The following QSOX2 variants were observed in gnomAD, a reference collection of about 807,000 sequenced individuals.
QSOX2 encodes the protein quiescin sulfhydryl oxidase 2.
QSOX2 carries 46 observed loss-of-function variants against 61.7 expected under a neutral mutation model. The observed-to-expected ratio is 0.75, with a 90% confidence interval of 0.59 to 0.95. QSOX2 has a LOEUF of 0.95. Ranked by LOEUF, QSOX2 falls within the 40% of genes least tolerant of loss-of-function variation. The pLI is 0.00. For missense variants in QSOX2, 879 were observed against 918.9 expected (o/e 0.96, Z 0.56); for synonymous variants, 383 against 388.4 (o/e 0.99, Z 0.16).
chr9:136,234,406 G>A (rs188847777), intron 1 of QSOX2, among the ~76,000 whole-genome samples: 58 of 152,316 alleles, frequency 3.8e-4, no homozygotes, highest in Admixed American at 2.0e-3. Context: ...AACTGCACAC[G>A]TAACGGGAGT....
intron 1 of QSOX2, among the ~76,000 whole-genome samples, chr9:136,239,645 G>A (rs1830418741): frequency 6.6e-6 from 1 of 152,244 alleles, no homozygotes; most frequent in African/African-American, 2.4e-5. Flanking sequence ...CAGTCCGCAG[G>A]GGCAGCACCT....
intron 8 of QSOX2, among the ~76,000 whole-genome samples, chr9:136,217,690 G>C (rs988039140): frequency 3.3e-5 from 5 of 152,348 alleles, no homozygotes; most frequent in Admixed American, 2.6e-4. Flanking sequence ...CGGGAGAGGA[G>C]AGCAGGTCTG....
At chr9:136,242,923 T>C (rs1036943641) in intron 1 of QSOX2, among the ~76,000 whole-genome samples, 1 of 152,172 alleles carries the variant, frequency 6.6e-6, no homozygotes, top group African/African-American at 2.4e-5. Flanking sequence ...ACTGACTGAA[T>C]TGAACCCCCT....
In QSOX2 at chr9:136,208,532, C is replaced by T. The variant is rs1264197184; in HGVS notation, c.*196G>A. ...TACGCCAGGAATGCAAATATCCCCA[C>T]AAAATTACCCCGTGTTCTTCCCTTG... On this transcript the variant is annotated 3_prime_UTR_variant, in exon 12 of 12. Transcript: ENST00000358701. 1.6e-5 allele frequency: 10 copies of T among 613,812 alleles called. No individual in the cohort carries two copies. Among genetic ancestry groups the T allele is most frequent in the African/African-American group, 1.5e-4 (8 of 54,092 alleles). 38.0% of individuals were successfully genotyped at this position (613,812 alleles called of 1,614,324 possible). A position where few individuals can be genotyped will look rare whatever the true frequency, so the allele number is the denominator to read the frequency against.
chr9:136,212,577 C>A (rs545625566), intron 10 of QSOX2, among the ~76,000 whole-genome samples: 1 of 152,242 alleles, frequency 6.6e-6, no homozygotes, highest in African/African-American at 2.4e-5. Context: ...AGCGTGTCCA[C>A]GGGCAGCTGG....
chr9:136,220,588 C>T (rs1442852918), intron 6 of QSOX2, among the ~76,000 whole-genome samples: 1 of 152,234 alleles, frequency 6.6e-6, no homozygotes, highest in East Asian at 1.9e-4. Context: ...AAGGGGCCAC[C>T]CAGTGTAGGG....
intron 1 of QSOX2, among the ~76,000 whole-genome samples, chr9:136,234,151 G>C (rs1366529428): frequency 6.6e-6 from 1 of 152,196 alleles, no homozygotes; most frequent in Non-Finnish European, 1.5e-5. Context: ...CTCCACCTGG[G>C]GCACTTCCTG....
At chr9:136,216,515 G>GC (rs1831915371) in intron 9 of QSOX2, 85 bp downstream of exon 9, 1 of 1,561,342 alleles carries the variant, frequency 6.4e-7, no homozygotes, top group African/African-American at 1.4e-5. Context: ...CGGGCCCCGA[G>GC]CAGGGAGATG....
rs1485476562 is a variant in QSOX2 at position 136,223,864 on chromosome 9, G to GA, written c.585-12dup. The GA allele has an allele frequency of 2.5e-6, 4 of 1,611,900 alleles. No individual in the cohort carries two copies. The highest frequency in any genetic ancestry group is 3.4e-6 in the Non-Finnish European group (4 of 1,179,192). On this transcript the variant is annotated splice_polypyrimidine_tract_variant and intron_variant, in intron 4 of 11. Transcript: ENST00000358701. This position sits in a 1 kb window ranked among gnomAD's most constrained non-coding sequence, Gnocchi z 4.4. ...AGAACATCACTGGGCCTTTCAAGAG[G>GA]AAAAAAAGAGGCTTTTAGTGCCGTC...
intron 2 of QSOX2, 138 bp downstream of exon 2, chr9:136,226,636 C>G: frequency 2.6e-6 from 2 of 761,280 alleles, no homozygotes; most frequent in Non-Finnish European, 2.4e-6. Context: ...TACGAAGTTC[C>G]AAGGAGAGAG....
intron 1 of QSOX2, among the ~76,000 whole-genome samples, chr9:136,242,961 T>G (rs531512785): frequency 6.6e-6 from 1 of 152,320 alleles, no homozygotes; most frequent in African/African-American, 2.4e-5. Flanking sequence ...CAGGGCAACC[T>G]GAGGAAAGAA....
At chr9:136,236,448 C>T (rs1424885614) in intron 1 of QSOX2, among the ~76,000 whole-genome samples, 3 of 152,258 alleles carry the variant, frequency 2.0e-5, no homozygotes, top group Non-Finnish European at 4.4e-5. Flanking sequence ...ACAGAAAAAA[C>T]CCACCTTGCT....
At chr9:136,231,600 C>G (rs937256834) in intron 1 of QSOX2, among the ~76,000 whole-genome samples, 2 of 152,276 alleles carry the variant, frequency 1.3e-5, no homozygotes, top group African/African-American at 2.4e-5. Context: ...GGCCCCTGGC[C>G]AGTGCTCAGG....
intron 1 of QSOX2, among the ~76,000 whole-genome samples, chr9:136,227,765 A>C (rs116582676): frequency 0.018 from 2,692 of 152,242 alleles, 82 homozygotes; most frequent in African/African-American, 0.061. Context: ...GTTTAAGCCC[A>C]GGAGTTTGAG....
intron 1 of QSOX2, among the ~76,000 whole-genome samples, chr9:136,243,422 C>T (rs965617957): frequency 1.3e-5 from 2 of 152,240 alleles, no homozygotes; most frequent in African/African-American, 2.4e-5. Context: ...TTTAGCTTAA[C>T]TCAAGCATTT....
intron 1 of QSOX2, among the ~76,000 whole-genome samples, chr9:136,240,709 C>G (rs1021594474): frequency 2.0e-5 from 3 of 152,226 alleles, no homozygotes; most frequent in African/African-American, 7.2e-5. Context: ...AAGGGCTGGT[C>G]TGAGAAAACC....
Position 136,245,724 on chromosome 9 carries a change from G to A in QSOX2, c.80C>T (p.Pro27Leu), listed in dbSNP as rs1469898524. 3 of 1,139,666 alleles carry A rather than the reference G, an allele frequency of 2.6e-6. No homozygotes were observed. Among genetic ancestry groups the A allele is most frequent in the Admixed American group, 9.8e-5 (2 of 20,404 alleles). The allele number at this position is 1,139,666 out of a possible 1,614,324, so 70.6% of individuals were successfully genotyped here. The change falls in exon 1 of 12, where the codon CCG becomes CTG. Residue 27 changes from proline (P) to leucine (L), a missense_variant. Transcript: ENST00000358701. ...GPALRARRSP[P>L]PRAARLPRLL... ...CCGCGGCAGCCGTGCGGCCCGCGGCGGGGGCGAGCGCCGGGCTCTCAGCGC... is the reference window on the plus strand; with the variant it reads ...CCGCGGCAGCCGTGCGGCCCGCGGCAGGGGCGAGCGCCGGGCTCTCAGCGC...
intron 1 of QSOX2, among the ~76,000 whole-genome samples, chr9:136,240,585 G>T (rs1394161716): frequency 6.6e-6 from 1 of 152,176 alleles, no homozygotes; most frequent in Non-Finnish European, 1.5e-5. Context: ...CTGAGCAAAG[G>T]TCTTCTTAGC....
At position 136,222,848 on chromosome 9, in the gene QSOX2, G is replaced by A. The variant is rs755428476; in HGVS notation, c.676-907C>T. Among the ~76,000 whole-genome samples, 3 of 152,224 alleles carry A rather than the reference G, an allele frequency of 2.0e-5. No homozygotes were observed. Among genetic ancestry groups the A allele is most frequent in the East Asian group, 3.8e-4 (2 of 5,198 alleles). Reference sequence around the variant, plus strand: ...GCCCCGCCCGAGACAGCAAGGGCACGAGGGGCCTTGGGACAGGGGTGAGGG... The same window carrying A: ...GCCCCGCCCGAGACAGCAAGGGCACAAGGGGCCTTGGGACAGGGGTGAGGG... On this transcript the variant is annotated intron_variant, in intron 5 of 11. Coordinates refer to ENST00000358701, the MANE Select transcript of QSOX2 (RefSeq NM_181701.4). The surrounding 1 kb of genome is among the most constrained non-coding windows in gnomAD (Gnocchi z 6.9).
Sources: allele counts gnomAD v4.1 joint callset (sites outside exome capture counted in the v4.1 genomes callset), GRCh38; gene constraint gnomAD v4.1.1; non-coding constraint Gnocchi (gnomAD v3.1); transcripts MANE v1.5; gene names NCBI Gene and HGNC (gene_info 2026-07-23, HGNC 2026-07-21).